The following TTLL4 variants were observed in gnomAD, a reference collection of about 807,000 sequenced individuals.
TTLL4 encodes the protein tubulin monoglutamylase TTLL4.
A neutral mutation model predicts 122.7 loss-of-function variants in TTLL4; 85 were observed. That is an observed-to-expected ratio of 0.69 (90% CI 0.58 to 0.83). TTLL4 has a LOEUF of 0.83. Among genes scored for constraint, TTLL4 ranks in the 40% least tolerant of loss-of-function variants. The pLI is 0.00. For missense variants in TTLL4, 1,363 were observed against 1,488.6 expected (o/e 0.92, Z 1.39); for synonymous variants, 553 against 563.0 (o/e 0.98, Z 0.25).
intron 2 of TTLL4, among the ~76,000 whole-genome samples, chr2:218,731,388 G>A (rs1942378651): frequency 6.6e-6 from 1 of 151,422 alleles, no homozygotes; most frequent in Admixed American, 6.6e-5. Flanking sequence ...TCCAGCGTGG[G>A]CAACAGAGTG....
rs1450601301 is a variant in TTLL4, at chr2:218,738,450, T to C, written c.774T>C (p.Thr258=). ...QPVSWHHSGG[T]GDCAPQPVDH... Reference sequence around the variant, plus strand: ...TCTCCTGGCATCATTCAGGGGGTACTGGAGACTGTGCACCGCAGCCTGTTG... The same window carrying C: ...TCTCCTGGCATCATTCAGGGGGTACCGGAGACTGTGCACCGCAGCCTGTTG... The change falls in exon 3 of 20, where the codon ACT becomes ACC. Residue 258 remains threonine, a synonymous_variant. Coordinates refer to ENST00000392102, the MANE Select transcript of TTLL4 (RefSeq NM_014640.5). 1.9e-6 allele frequency: 3 copies of C among 1,614,210 alleles called. No homozygotes were observed. The highest frequency in any genetic ancestry group is 2.5e-6 in the Non-Finnish European group (3 of 1,180,036).
chr2:218,733,968 T>C (rs914163833), intron 2 of TTLL4, among the ~76,000 whole-genome samples: 3 of 152,326 alleles, frequency 2.0e-5, no homozygotes, highest in Admixed American at 2.0e-4. Context: ...TTTTAGGGAC[T>C]TTCCACAAAG....
chr2:218,717,163 A>G (rs1575156778), intron 1 of TTLL4, among the ~76,000 whole-genome samples: 1 of 151,858 alleles, frequency 6.6e-6, no homozygotes, highest in African/African-American at 2.4e-5. Context: ...AGGTTTCACC[A>G]TGTTGCCCAT....
rs781069127 is a variant in TTLL4, at chr2:218,747,377, G to A, written c.2249+5G>A. On this transcript the variant is annotated splice_donor_5th_base_variant and intron_variant, in intron 10 of 19. Coordinates refer to ENST00000392102, the MANE Select transcript of TTLL4 (RefSeq NM_014640.5). The surrounding 1 kb of genome is among the most constrained non-coding windows in gnomAD (Gnocchi z 4.7). ...AAGGCCCCTCCTGGTACAGAGGTGA[G>A]CCTGTAGCACATATCCCTTACCCCA... 1.2e-6 allele frequency: 2 copies of A among 1,613,940 alleles called. No individual in the cohort carries two copies. The highest frequency in any genetic ancestry group is 1.7e-6 in the Non-Finnish European group (2 of 1,179,970).
chr2:218,719,698 T>A (rs1178521397), intron 1 of TTLL4, among the ~76,000 whole-genome samples: 1 of 152,206 alleles, frequency 6.6e-6, no homozygotes, highest in Non-Finnish European at 1.5e-5. Flanking sequence ...CCACACCAAC[T>A]GAATCCTCTT....
chr2:218,743,144 C>CA (rs1488192295), intron 5 of TTLL4, among the ~76,000 whole-genome samples: 5,388 of 141,538 alleles, frequency 0.038, 306 homozygotes, highest in African/African-American at 0.13. Context: ...GACTCTGTCT[C>CA]AAAAAAAAAA....
chr2:218,722,304 G>T (rs1232039609), intron 1 of TTLL4, among the ~76,000 whole-genome samples: 2 of 150,724 alleles, frequency 1.3e-5, no homozygotes, highest in African/African-American at 4.9e-5. Context: ...ATCTTTGTCT[G>T]TTTCCAACCT....
intron 1 of TTLL4, among the ~76,000 whole-genome samples, chr2:218,725,188 G>A (rs1175835419): frequency 6.6e-6 from 1 of 151,908 alleles, no homozygotes; most frequent in Non-Finnish European, 1.5e-5. Flanking sequence ...ATGAGCCACT[G>A]CGCCCACCCT....
chr2:218,752,621 A>G, intron 16 of TTLL4, 142 bp from the exon 17 acceptor site: 1 of 797,970 alleles, frequency 1.3e-6, no homozygotes, highest in Non-Finnish European at 2.0e-6. Context: ...GAGCTGGCCC[A>G]CTAGGCTGCC....
intron 14 of TTLL4, 49 bp downstream of exon 14, chr2:218,749,436 C>T: frequency 1.2e-6 from 2 of 1,601,028 alleles, no homozygotes; most frequent in South Asian, 1.1e-5. Context: ...CCATTATTCT[C>T]ACGCTCCCAT....
At chr2:218,746,003 G>A (rs1203408158) in intron 7 of TTLL4, 152 bp from the exon 8 acceptor site, 2 of 948,518 alleles carry the variant, frequency 2.1e-6, no homozygotes, top group Admixed American at 3.8e-5. Flanking sequence ...CCATTGTTCT[G>A]TCCCTGGCCC....
chr2:218,727,621 A>G (rs1942233533), intron 2 of TTLL4, among the ~76,000 whole-genome samples: 1 of 152,140 alleles, frequency 6.6e-6, no homozygotes, highest in Non-Finnish European at 1.5e-5. Context: ...CTGTAGTCCC[A>G]GCTACTCAGG....
chr2:218,714,029 G>C (rs1941787283), intron 1 of TTLL4, among the ~76,000 whole-genome samples: 2 of 152,182 alleles, frequency 1.3e-5, no homozygotes, highest in Non-Finnish European at 2.9e-5. Context: ...TCATTCTGTA[G>C]GTCTGGAGCT....
intron 1 of TTLL4, among the ~76,000 whole-genome samples, chr2:218,715,997 G>A (rs997509859): frequency 9.2e-5 from 14 of 152,276 alleles, no homozygotes; most frequent in Admixed American, 9.2e-4. Context: ...ATTATGTGAG[G>A]CATGACTGTT....
chr2:218,758,423 A>G (rs899968306), downstream of TTLL4, among the ~76,000 whole-genome samples: 4 of 152,344 alleles, frequency 2.6e-5, no homozygotes, highest in East Asian at 5.8e-4. Context: ...AAAGTAGTGG[A>G]TTCTAAAACA....
chr2:218,746,725 C>G (rs139949126), intron 8 of TTLL4: 87 of 482,140 alleles, frequency 1.8e-4, no homozygotes, highest in African/African-American at 1.6e-3. Context: ...CTGTCCTCAT[C>G]CCATAGGGTT....
At chr2:218,721,416 C>T (rs1942036917) in intron 1 of TTLL4, among the ~76,000 whole-genome samples, 1 of 152,190 alleles carries the variant, frequency 6.6e-6, no homozygotes, top group Admixed American at 6.5e-5. Flanking sequence ...CAGGTCACAA[C>T]CTGTGCCTTG....
chr2:218,740,391 C>T, intron 4 of TTLL4, 130 bp from the exon 5 acceptor site: 2 of 1,038,072 alleles, frequency 1.9e-6, no homozygotes, highest in South Asian at 1.4e-5. Flanking sequence ...CAGTGCAAAG[C>T]AGCGGGGTGG....
At chr2:218,743,848 T>C (rs1942770571) in intron 5 of TTLL4, among the ~76,000 whole-genome samples, 1 of 152,076 alleles carries the variant, frequency 6.6e-6, no homozygotes, top group Admixed American at 6.6e-5. Flanking sequence ...CCTGGCTAAT[T>C]TTGTATTTTT....
Sources: gnomAD v4.1 joint callset for allele counts (sites outside exome capture counted in the v4.1 genomes callset) on GRCh38, gnomAD v4.1.1 for gene constraint, Gnocchi (gnomAD v3.1) non-coding constraint, MANE v1.5 for transcripts, NCBI Gene and HGNC (gene_info 2026-07-23, HGNC 2026-07-21) for gene names.